The following TRMT10B variants were observed in gnomAD, a reference collection of about 807,000 sequenced individuals.
TRMT10B encodes the protein tRNA methyltransferase 10B, also known as tRNA methyltransferase 10 homolog B.
TRMT10B carries 33 observed loss-of-function variants against 43.8 expected under a neutral mutation model. The observed-to-expected ratio is 0.75, with a 90% CI of 0.57 to 1.01. The LOEUF is 1.01. Ranked by LOEUF, TRMT10B falls within the 50% of genes least tolerant of loss-of-function variation. The pLI, the probability that TRMT10B is intolerant of heterozygous loss-of-function variation, is 0.00. For missense variants in TRMT10B, 362 were observed against 369.8 expected (o/e 0.98, Z 0.17); for synonymous variants, 137 against 130.6 (o/e 1.05, Z -0.34).
In TRMT10B at chr9:37,778,402, C is replaced by T. The variant is rs1828407173; in HGVS notation, c.*695C>T. The T allele has an allele frequency of 6.6e-6, 1 of 152,070 alleles. No homozygotes were observed. The highest frequency in any genetic ancestry group is 1.5e-5 in the Non-Finnish European group (1 of 68,096). 9.4% of individuals were successfully genotyped at this position (152,070 alleles called of 1,614,324 possible). ...TGGTGGTGCGTGCCTGTAGTCTCAG[C>T]TACTCAGGAGGCTGAGGCAGGAGAA... is the stretch of plus-strand genomic sequence containing the variant. On this transcript the variant is annotated 3_prime_UTR_variant, in exon 9 of 9. Coordinates refer to ENST00000297994, the MANE Select transcript of TRMT10B (RefSeq NM_144964.4).
chr9:37,775,524 T>A (rs1358871790), intron 7 of TRMT10B, among the ~76,000 whole-genome samples: 1 of 152,118 alleles, frequency 6.6e-6, no homozygotes, highest in Non-Finnish European at 1.5e-5. Context: ...TTTGCAGTTT[T>A]CAGAGCCCGC....
At position 37,769,947 on chromosome 9, in the gene TRMT10B, A is replaced by C; in HGVS notation, c.580A>C (p.Ile194Leu). The C allele has an allele frequency of 6.2e-7, 1 of 1,614,056 alleles. No homozygotes were observed. Among genetic ancestry groups the C allele is most frequent in the Non-Finnish European group, 8.5e-7 (1 of 1,179,914 alleles). Residue 194 changes from isoleucine to leucine, a missense_variant, in exon 6 of 9, where the codon ATA (isoleucine) becomes CTA (leucine). Coordinates refer to ENST00000297994, the MANE Select transcript of TRMT10B (RefSeq NM_144964.4). Reference protein sequence around the residue: ...NDGFSSYLLDITEEDCFSLFP... With the variant: ...NDGFSSYLLDLTEEDCFSLFP... ...GACTGTTTGCATTTTCCAGTTAGAC[A>C]TAACAGAAGAAGACTGCTTTAGTTT...
At chr9:37,762,523 C>CT in intron 2 of TRMT10B, 54 bp from the exon 3 acceptor site, 1 of 1,521,758 alleles carries the variant, frequency 6.6e-7, no homozygotes, top group Middle Eastern at 1.8e-4. Flanking sequence ...GTTCATTTTC[C>CT]TTTTTTGGTG....
intron 1 of TRMT10B, among the ~76,000 whole-genome samples, chr9:37,755,415 TC>T (rs1285132661): frequency 6.6e-6 from 1 of 151,924 alleles, no homozygotes; most frequent in African/African-American, 2.4e-5. Flanking sequence ...AAATGGTAGT[TC>T]CTATGTCCAA....
intron 1 of TRMT10B, among the ~76,000 whole-genome samples, chr9:37,760,484 C>T (rs1826206515): frequency 6.6e-6 from 1 of 152,174 alleles, no homozygotes; most frequent in Non-Finnish European, 1.5e-5. Context: ...TGTGCCACCG[C>T]ACTCGAGCTT....
At chr9:37,767,687 C>T (rs1239717408) in intron 4 of TRMT10B, among the ~76,000 whole-genome samples, 1 of 151,920 alleles carries the variant, frequency 6.6e-6, no homozygotes, top group African/African-American at 2.4e-5. Context: ...CCTATTGCAT[C>T]TCCTGAAGTT....
chr9:37,755,918 G>T, intron 1 of TRMT10B, among the ~76,000 whole-genome samples: 1 of 152,118 alleles, frequency 6.6e-6, no homozygotes, highest in East Asian at 1.9e-4. Context: ...TCCTACAAAG[G>T]AATTCAGTTT....
intron 4 of TRMT10B, 136 bp from the exon 5 acceptor site, chr9:37,767,940 T>TA: frequency 1.2e-6 from 1 of 815,426 alleles, no homozygotes; most frequent in Non-Finnish European, 2.0e-6. Context: ...TAAGGTATAA[T>TA]ACACGCACAC....
chr9:37,766,566 TTC>T (rs1477556384), intron 4 of TRMT10B, among the ~76,000 whole-genome samples: 1 of 152,242 alleles, frequency 6.6e-6, no homozygotes, highest in Non-Finnish European at 1.5e-5. Context: ...ATGCAGGCTC[TTC>T]TTTGGTTCCA....
intron 2 of TRMT10B, 149 bp downstream of exon 2, chr9:37,762,266 G>GT: frequency 1.9e-6 from 2 of 1,049,136 alleles, no homozygotes; most frequent in Non-Finnish European, 2.7e-6. Context: ...CTGGTTTAAA[G>GT]TTTTAGTTCC....
chr9:37,755,623 C>T (rs10973524), intron 1 of TRMT10B, among the ~76,000 whole-genome samples: 49,001 of 151,978 alleles, frequency 0.32, 7,994 homozygotes, highest in Non-Finnish European at 0.35. Context: ...GAGGTGGGCC[C>T]CGCCTTCAGG....
chr9:37,757,708 ATAG>A (rs56357669), intron 1 of TRMT10B, among the ~76,000 whole-genome samples: 23,562 of 152,176 alleles, frequency 0.15, 1,901 homozygotes, highest in South Asian at 0.23. Flanking sequence ...GGGGTTTTGA[ATAG>A]TAGTTAACAG....
chr9:37,754,409 C>G (rs868301819), intron 1 of TRMT10B, among the ~76,000 whole-genome samples: 1 of 152,078 alleles, frequency 6.6e-6, no homozygotes, highest in Non-Finnish European at 1.5e-5. Context: ...AAATAGACCC[C>G]GGAGTGCAGA....
At chr9:37,775,177 TCACAAGAGCTGTC>T in intron 7 of TRMT10B, among the ~76,000 whole-genome samples, 1 of 152,340 alleles carries the variant, frequency 6.6e-6, no homozygotes, top group Non-Finnish European at 1.5e-5. Context: ...GAACTCCCTG[TCACAAGAGCTGTC>T]CATTGAGTGG....
intron 1 of TRMT10B, among the ~76,000 whole-genome samples, chr9:37,757,913 C>A (rs1010281291): frequency 1.6e-4 from 25 of 151,876 alleles, no homozygotes; most frequent in African/African-American, 5.8e-4. Context: ...ATGCTATTTT[C>A]CCGCTTAAAC....
chr9:37,776,198 CTACT>C (rs1305867077), intron 7 of TRMT10B, 80 bp from the exon 8 acceptor site: 1 of 1,130,426 alleles, frequency 8.8e-7, no homozygotes, highest in East Asian at 3.1e-5. Context: ...CCACAATAGG[CTACT>C]TATTTTTAAT....
At chr9:37,761,870 T>G in intron 1 of TRMT10B, 33 bp from the exon 2 acceptor site, 1 of 1,460,046 alleles carries the variant, frequency 6.8e-7, no homozygotes, top group East Asian at 2.3e-5. Context: ...AGTGAAATAA[T>G]GTAATAGCTC....
intron 1 of TRMT10B, among the ~76,000 whole-genome samples, chr9:37,755,124 T>C (rs1031531543): frequency 6.6e-6 from 1 of 151,990 alleles, no homozygotes; most frequent in African/African-American, 2.4e-5. Context: ...CAAAAAAATC[T>C]AGCCGGACAT....
intron 7 of TRMT10B, among the ~76,000 whole-genome samples, chr9:37,773,990 T>C (rs1210317043): frequency 6.7e-6 from 1 of 149,104 alleles, no homozygotes; most frequent in Non-Finnish European, 1.5e-5. Context: ...ATAATAATAA[T>C]TAAAAGTTTA....
Sources: gnomAD v4.1 joint callset for allele counts (sites outside exome capture counted in the v4.1 genomes callset) on GRCh38, gnomAD v4.1.1 for gene constraint, MANE v1.5 for transcripts, NCBI Gene and HGNC (gene_info 2026-07-23, HGNC 2026-07-21) for gene names.